GNG7: variants seen among roughly 807,000 people sequenced by gnomAD.
GNG7 encodes guanine nucleotide-binding protein G(I)/G(S)/G(O) subunit gamma-7.
In GNG7, 1 loss-of-function variant was observed where a neutral mutation model predicts 4.0. The ratio of observed to expected loss-of-function variants is 0.25; its 90% confidence interval spans 0.09 to 1.18. The LOEUF (loss-of-function observed/expected upper bound fraction) is 1.18, where lower values mean the gene tolerates loss of function less well. Ranked by LOEUF, GNG7 falls within the 50% of genes most tolerant of loss-of-function variation. GNG7 has a pLI of 0.50. For synonymous variants in GNG7, 34 were observed against 36.9 expected (o/e 0.92, Z 0.29); for missense variants, 86 against 91.9 (o/e 0.94, Z 0.26).
At chr19:2,695,750 C>T (rs1243980330) in intron 1 of GNG7, among the ~76,000 whole-genome samples, 1 of 152,118 alleles carries the variant, frequency 6.6e-6, no homozygotes, top group Non-Finnish European at 1.5e-5. Flanking sequence ...AGGAAGCTTA[C>T]TAGGAAGGTC....
intron 2 of GNG7, among the ~76,000 whole-genome samples, chr19:2,588,335 C>G (rs893877753): frequency 6.6e-6 from 1 of 152,102 alleles, no homozygotes; most frequent in African/African-American, 2.4e-5. Flanking sequence ...GAGGACAACC[C>G]GAAAGACATC....
At chr19:2,560,529 G>A (rs1979709465) in intron 2 of GNG7, among the ~76,000 whole-genome samples, 1 of 152,016 alleles carries the variant, frequency 6.6e-6, no homozygotes, top group Admixed American at 6.6e-5. Context: ...CGGTGGCTGG[G>A]GACATTGTGG....
intron 2 of GNG7, among the ~76,000 whole-genome samples, chr19:2,559,782 G>T (rs1487932184): frequency 6.6e-6 from 1 of 152,242 alleles, no homozygotes; most frequent in South Asian, 2.1e-4. Context: ...AAAGTGCTGG[G>T]ATTACAGGCG....
chr19:2,687,408 G>C (rs1320073064), intron 1 of GNG7, among the ~76,000 whole-genome samples: 1 of 151,784 alleles, frequency 6.6e-6, no homozygotes, highest in African/African-American at 2.4e-5. Context: ...CCTGAGGTCA[G>C]GAGTTCGAGA....
chr19:2,593,705 C>A (rs1216250731), intron 2 of GNG7, among the ~76,000 whole-genome samples: 2 of 150,442 alleles, frequency 1.3e-5, no homozygotes, highest in Admixed American at 6.6e-5. Flanking sequence ...GATTGTGCCA[C>A]TGCACTCCTG....
chr19:2,563,789 C>T (rs1372010233), intron 2 of GNG7, among the ~76,000 whole-genome samples: 2 of 152,158 alleles, frequency 1.3e-5, no homozygotes, highest in Non-Finnish European at 2.9e-5. Context: ...GCCCAGGTCA[C>T]ACCTTTGAAC....
chr19:2,646,835 A>G (rs1982679340), intron 1 of GNG7, among the ~76,000 whole-genome samples: 1 of 152,240 alleles, frequency 6.6e-6, no homozygotes, highest in Non-Finnish European at 1.5e-5. Flanking sequence ...GGCTCTTCAC[A>G]GTTTATCAAA....
intron 1 of GNG7, among the ~76,000 whole-genome samples, chr19:2,659,673 G>C (rs1240168681): frequency 6.8e-6 from 1 of 146,034 alleles, no homozygotes; most frequent in Non-Finnish European, 1.5e-5. Flanking sequence ...AGGGAGAAAG[G>C]GTGGGAGAGA....
At chr19:2,671,668 C>T (rs966425193) in intron 1 of GNG7, among the ~76,000 whole-genome samples, 12 of 152,290 alleles carry the variant, frequency 7.9e-5, no homozygotes, top group African/African-American at 2.6e-4. Context: ...CATCAGGCAC[C>T]GCTCCTGCCC....
chr19:2,608,105 AAAAT>A (rs989021462), intron 2 of GNG7, among the ~76,000 whole-genome samples: 9 of 151,690 alleles, frequency 5.9e-5, no homozygotes, highest in Middle Eastern at 3.4e-3. Context: ...GAGGAAAAAA[AAAAT>A]AAATAAAGGT....
intron 1 of GNG7, among the ~76,000 whole-genome samples, chr19:2,686,518 G>C (rs11673512): frequency 1.3e-5 from 2 of 151,896 alleles, no homozygotes. Context: ...ACCCCGGCCC[G>C]GTGCCTGCTT....
intron 2 of GNG7, among the ~76,000 whole-genome samples, chr19:2,565,522 AAAC>A (rs569750261): frequency 0.25 from 37,009 of 147,444 alleles, 5,158 homozygotes; most frequent in Non-Finnish European, 0.34. Context: ...AAAAAAAAAA[AAAC>A]AAAAACAAAA....
At chr19:2,666,880 T>C (rs1340548486) in intron 1 of GNG7, among the ~76,000 whole-genome samples, 1 of 152,148 alleles carries the variant, frequency 6.6e-6, no homozygotes, top group East Asian at 1.9e-4. Flanking sequence ...TAAGACAAAA[T>C]AGCACCATTT....
At chr19:2,668,687 C>T (rs886524750) in intron 1 of GNG7, among the ~76,000 whole-genome samples, 1 of 152,074 alleles carries the variant, frequency 6.6e-6, no homozygotes, top group Non-Finnish European at 1.5e-5. Context: ...ATGGAAAGTT[C>T]TAGAAAATAA....
chr19:2,635,313 G>T (rs1982278286), intron 2 of GNG7, among the ~76,000 whole-genome samples: 1 of 152,218 alleles, frequency 6.6e-6, no homozygotes. Context: ...TCTCCTAAGG[G>T]GTAGAAAGTC....
intron 3 of GNG7, among the ~76,000 whole-genome samples, chr19:2,537,241 G>A (rs975287647): frequency 2.0e-5 from 3 of 151,636 alleles, no homozygotes; most frequent in African/African-American, 4.8e-5. Flanking sequence ...GAGCCACCGC[G>A]CCCGGCCACA....
chr19:2,531,467 T>A (rs899532378), intron 3 of GNG7, among the ~76,000 whole-genome samples: 4 of 151,872 alleles, frequency 2.6e-5, no homozygotes, highest in African/African-American at 9.7e-5. Flanking sequence ...TAAACATAAA[T>A]CCCCTCTGGA....
In GNG7 at chr19:2,557,394, C is replaced by G. The variant is rs10421267; in HGVS notation, c.-77-2206G>C. Among the ~76,000 whole-genome samples the G allele has an allele frequency of 0.53, 80,420 of 152,072 alleles. 21,453 individuals carry two copies. The highest frequency in any genetic ancestry group is 0.62 in the Admixed American group (9,511 of 15,290). ...GTGCACGCACACATGCACGCAGGAGCGAGCGCCTCCACCCAGCCCTGCATC... is the reference window on the plus strand; with the variant it reads ...GTGCACGCACACATGCACGCAGGAGGGAGCGCCTCCACCCAGCCCTGCATC... On this transcript the variant is annotated intron_variant, in intron 2 of 4. Transcript: ENST00000382159. This position sits in a 1 kb window ranked among gnomAD's most constrained non-coding sequence, Gnocchi z 5.1.
intron 3 of GNG7, among the ~76,000 whole-genome samples, chr19:2,547,115 A>G (rs1374345540): frequency 1.5e-5 from 2 of 134,304 alleles, no homozygotes; most frequent in Admixed American, 1.5e-4. Flanking sequence ...GCAAAGCCCC[A>G]CCGATGTCAT....
Sources: gnomAD v4.1 joint callset for allele counts (sites outside exome capture counted in the v4.1 genomes callset) on GRCh38, gnomAD v4.1.1 for gene constraint, Gnocchi (gnomAD v3.1) non-coding constraint, MANE v1.5 for transcripts, NCBI Gene and HGNC (gene_info 2026-07-23, HGNC 2026-07-21) for gene names.